Variants in SULF1 observed in about 807,000 individuals in gnomAD.
SULF1 encodes sulfatase 1.
Under a neutral mutation model 110.5 loss-of-function variants are expected in SULF1, and 46 were observed. The observed-to-expected ratio is 0.42, with a 90% CI of 0.33 to 0.53. SULF1 has a LOEUF of 0.53. SULF1 is among the 20% of genes least tolerant of loss of function. SULF1 has a pLI of 0.12. For synonymous variants in SULF1, 371 were observed against 387.1 expected (o/e 0.96, Z 0.49); for missense variants, 941 against 1,094.2 (o/e 0.86, Z 1.98).
chr8:69,482,700 C>T (rs745933024), intron 1 of SULF1, among the ~76,000 whole-genome samples: 1 of 152,068 alleles, frequency 6.6e-6, no homozygotes, highest in Non-Finnish European at 1.5e-5. Flanking sequence ...TTCTACTATT[C>T]TTCCAGCTTT....
intron 1 of SULF1, among the ~76,000 whole-genome samples, chr8:69,480,016 T>A (rs369224517): frequency 1.3e-5 from 2 of 152,072 alleles, no homozygotes; most frequent in Non-Finnish European, 2.9e-5. Flanking sequence ...AAAGCTTTTT[T>A]TTTTTCAGAT....
At chr8:69,512,289 C>T (rs7815664) in intron 3 of SULF1, among the ~76,000 whole-genome samples, 1 of 151,960 alleles carries the variant, frequency 6.6e-6, no homozygotes, top group Non-Finnish European at 1.5e-5. Context: ...GCCTCTTGAG[C>T]GAGTATTGTA....
At chr8:69,503,512 T>C (rs1483479601) in intron 3 of SULF1, among the ~76,000 whole-genome samples, 1 of 152,150 alleles carries the variant, frequency 6.6e-6, no homozygotes, top group Admixed American at 6.5e-5. Flanking sequence ...AACTAATAAG[T>C]TCAATGAACA....
intron 6 of SULF1, among the ~76,000 whole-genome samples, chr8:69,579,316 G>A (rs1282275610): frequency 6.6e-6 from 1 of 152,030 alleles, no homozygotes; most frequent in African/African-American, 2.4e-5. Context: ...CACTTTGGGA[G>A]GCTGAGATGG....
At chr8:69,500,663 C>G (rs991888520) in intron 2 of SULF1, among the ~76,000 whole-genome samples, 1 of 152,142 alleles carries the variant, frequency 6.6e-6, no homozygotes, top group African/African-American at 2.4e-5. Flanking sequence ...TTTGTGATAT[C>G]AGCACCATGG....
intron 13 of SULF1, among the ~76,000 whole-genome samples, chr8:69,619,821 C>A (rs948904295): frequency 7.2e-5 from 11 of 152,162 alleles, no homozygotes; most frequent in Non-Finnish European, 1.5e-4. Context: ...CAGGGCGAGT[C>A]TTTTGGGCTC....
chr8:69,618,635 A>T (rs1000560578), intron 13 of SULF1, among the ~76,000 whole-genome samples: 2 of 152,190 alleles, frequency 1.3e-5, no homozygotes, highest in Non-Finnish European at 2.9e-5. Context: ...AAGATGCTAA[A>T]CGTTCAAGAC....
chr8:69,654,872 A>G (rs1451457495), intron 22 of SULF1, among the ~76,000 whole-genome samples: 1 of 152,226 alleles, frequency 6.6e-6, no homozygotes, highest in African/African-American at 2.4e-5. Flanking sequence ...TCTAAGGATA[A>G]TGTGCACCAT....
rs773332876 is a variant in SULF1, at chr8:69,660,052, A to G, written c.*1517A>G. 3 of 152,648 alleles carry G rather than the reference A, an allele frequency of 2.0e-5. No homozygotes were observed. The highest frequency in any genetic ancestry group is 4.4e-5 in the Non-Finnish European group (3 of 68,038). The allele number at this position is 152,648 out of a possible 1,614,324, so 9.5% of individuals were successfully genotyped here. A position where few individuals can be genotyped will look rare whatever the true frequency, so the allele number is the denominator to read the frequency against. Reference sequence around the variant, plus strand: ...GGTGAAAATAAATAAATAAGTAAACAAAATGAAGATTGCCTGCTCTCTCTG... The same window carrying G: ...GGTGAAAATAAATAAATAAGTAAACGAAATGAAGATTGCCTGCTCTCTCTG... On this transcript the variant is annotated 3_prime_UTR_variant, in exon 23 of 23. Transcript: ENST00000402687.
rs746558656 is a variant in SULF1 at position 69,575,959 on chromosome 8, G to A, written c.173-11G>A. 2.5e-6 allele frequency: 4 copies of A among 1,613,032 alleles called. No homozygotes were observed. The African/African-American group carries it at 4.0e-5, about 16-fold the overall frequency. ...CACTTTGCTAAACAATGCTGGCACT[G>A]TGCCTTTCAGGGTCCCTGCAAGTCA... On this transcript the variant is annotated splice_polypyrimidine_tract_variant and intron_variant, in intron 5 of 22. Transcript: ENST00000402687.
chr8:69,538,275 C>CTTTTT (rs33972358), intron 3 of SULF1, among the ~76,000 whole-genome samples: 5,874 of 130,974 alleles, frequency 0.045, 338 homozygotes, highest in African/African-American at 0.05. Flanking sequence ...TTTCTGTTGC[C>CTTTTT]TTTTTTTTTT....
At chr8:69,484,775 C>T (rs1039377232) in intron 1 of SULF1, among the ~76,000 whole-genome samples, 9 of 151,866 alleles carry the variant, frequency 5.9e-5, no homozygotes, top group Admixed American at 5.2e-4. Context: ...ACCATGGTCT[C>T]AGGAAAGGAG....
intron 3 of SULF1, among the ~76,000 whole-genome samples, chr8:69,550,599 GAAGGA>G (rs1465304462): frequency 1.3e-5 from 2 of 152,126 alleles, no homozygotes; most frequent in Non-Finnish European, 1.5e-5. Flanking sequence ...CAAAAAGAGA[GAAGGA>G]AAGAAGACCA....
At chr8:69,488,787 AAGG>A (rs1164971312), upstream of SULF1, among the ~76,000 whole-genome samples, 2 of 152,026 alleles carry the variant, frequency 1.3e-5, no homozygotes, top group Admixed American at 1.3e-4. Flanking sequence ...AGGATCAGGG[AAGG>A]AGGATAACAC....
At chr8:69,529,950 G>A (rs1348611396) in intron 3 of SULF1, among the ~76,000 whole-genome samples, 1 of 152,174 alleles carries the variant, frequency 6.6e-6, no homozygotes, top group Non-Finnish European at 1.5e-5. Context: ...ACCAGGAGGC[G>A]AGAGTCACTG....
Position 69,601,840 on chromosome 8 carries a change from C to T in SULF1, c.1061+11C>T. The stretch of plus-strand genomic sequence containing the variant: ...AGAACCAGGATCAATGTACGTATTT[C>T]TCTGTTTGCAACATTCAACTGTCGT... On this transcript the variant is annotated intron_variant, in intron 10 of 22. Transcript: ENST00000402687. 1.3e-6 allele frequency: 2 copies of T among 1,595,588 alleles called. No homozygotes were observed. Among genetic ancestry groups the T allele is most frequent in the South Asian group, 1.1e-5 (1 of 88,028 alleles).
intron 3 of SULF1, among the ~76,000 whole-genome samples, chr8:69,535,893 C>T (rs1052110180): frequency 9.2e-5 from 14 of 151,938 alleles, no homozygotes; most frequent in Admixed American, 2.6e-4. Flanking sequence ...TTAGCCAGGC[C>T]TGTAATCCCA....
intron 13 of SULF1, among the ~76,000 whole-genome samples, chr8:69,611,169 G>T (rs369114904): frequency 1.3e-5 from 2 of 152,194 alleles, no homozygotes; most frequent in Admixed American, 6.5e-5. Flanking sequence ...TATAGTTCTT[G>T]CCTCATAGGC....
intron 1 of SULF1, among the ~76,000 whole-genome samples, chr8:69,479,440 A>C (rs1809428840): frequency 6.6e-6 from 1 of 152,272 alleles, no homozygotes; most frequent in East Asian, 1.9e-4. Flanking sequence ...GATTGTAAAA[A>C]TTTTGTCTAG....
Sources: allele counts gnomAD v4.1 joint callset (sites outside exome capture counted in the v4.1 genomes callset), GRCh38; gene constraint gnomAD v4.1.1; transcripts MANE v1.5; gene names NCBI Gene and HGNC (gene_info 2026-07-23, HGNC 2026-07-21).